The following CEP128 variants were observed in gnomAD, a reference collection of about 807,000 sequenced individuals.
CEP128 encodes the protein centrosomal protein 128.
A neutral mutation model predicts 156.7 loss-of-function variants in CEP128; 132 were observed. The ratio of observed to expected loss-of-function variants is 0.84; its 90% CI spans 0.73 to 0.97. CEP128 has a LOEUF of 0.97. CEP128 is among the 50% of genes least tolerant of loss of function. The pLI, the probability that CEP128 is intolerant of heterozygous loss-of-function variation, is 0.00. For synonymous variants in CEP128, 469 were observed against 448.9 expected (o/e 1.04, Z -0.57); for missense variants, 1,252 against 1,281.9 (o/e 0.98, Z 0.36).
At chr14:80,570,504 A>G (rs1052625507) in intron 20 of CEP128, among the ~76,000 whole-genome samples, 1 of 152,192 alleles carries the variant, frequency 6.6e-6, no homozygotes, top group African/African-American at 2.4e-5. Flanking sequence ...CATAGACTTC[A>G]AAGACATTAA....
At chr14:80,780,040 T>C (rs951239867) in intron 15 of CEP128, among the ~76,000 whole-genome samples, 13 of 152,036 alleles carry the variant, frequency 8.6e-5, no homozygotes, top group Admixed American at 2.0e-4. Context: ...TAGACCAATA[T>C]CCTGAAAATA....
At chr14:80,617,380 G>A (rs1022577884) in intron 19 of CEP128, among the ~76,000 whole-genome samples, 19 of 151,724 alleles carry the variant, frequency 1.3e-4, no homozygotes, top group Non-Finnish European at 2.2e-4. Flanking sequence ...ACAGGCGCAA[G>A]ACGCCACGCC....
chr14:80,928,170 A>G (rs534334279), intron 2 of CEP128, among the ~76,000 whole-genome samples: 1 of 152,368 alleles, frequency 6.6e-6, no homozygotes, highest in Admixed American at 6.5e-5. Context: ...AATAATTAGA[A>G]GAAACAGTCT....
rs1887587122 is a variant in CEP128 at position 80,862,878 on chromosome 14, A to G, written c.646-5T>C. ...CCGCTCCACCCGATCTGAAACCTTA[A>G]TAAGAATTCAGAGAAACAGCAGCAT... On this transcript the variant is annotated splice_polypyrimidine_tract_variant and splice_region_variant and intron_variant, in intron 8 of 24. Transcript: ENST00000555265. 6.2e-7 allele frequency: 1 copy of G among 1,600,492 alleles called. No homozygotes were observed. The highest frequency in any genetic ancestry group is 8.6e-7 in the Non-Finnish European group (1 of 1,167,624).
At chr14:80,882,715 C>T (rs566231961) in intron 8 of CEP128, among the ~76,000 whole-genome samples, 10 of 152,132 alleles carry the variant, frequency 6.6e-5, no homozygotes, top group Non-Finnish European at 1.3e-4. Context: ...TTATACACAA[C>T]GGAGTACTAT....
At chr14:80,749,001 G>C (rs943574895) in intron 18 of CEP128, among the ~76,000 whole-genome samples, 4 of 152,174 alleles carry the variant, frequency 2.6e-5, no homozygotes, top group African/African-American at 9.7e-5. Context: ...GGAGTAGTCA[G>C]ACAATAGTCA....
intron 12 of CEP128, among the ~76,000 whole-genome samples, chr14:80,831,794 AT>A (rs1174036935): frequency 6.6e-6 from 1 of 152,208 alleles, no homozygotes; most frequent in Non-Finnish European, 1.5e-5. Context: ...AACAATATAA[AT>A]TGACTTAGTA....
chr14:80,894,407 T>G (rs1031686228), intron 8 of CEP128, among the ~76,000 whole-genome samples: 7 of 151,992 alleles, frequency 4.6e-5, no homozygotes, highest in Non-Finnish European at 1.5e-5. Context: ...TGTGAACTAC[T>G]GCAATTAACT....
chr14:80,947,787 G>A (rs1045555042), intron 2 of CEP128, among the ~76,000 whole-genome samples: 1 of 152,162 alleles, frequency 6.6e-6, no homozygotes, highest in African/African-American at 2.4e-5. Flanking sequence ...AGACCTGTAG[G>A]CATAGGGAGA....
rs545232440 is a variant in CEP128, at chr14:80,954,972, G to T, written c.-172+3206C>A. Reference sequence around the variant, plus strand: ...GCCTCGCGGAGCCGCGGGCTGCAACGTGAGGCGGCCGCTGCCAGTCGACTC... The same window carrying T: ...GCCTCGCGGAGCCGCGGGCTGCAACTTGAGGCGGCCGCTGCCAGTCGACTC... On this transcript the variant is annotated intron_variant, in intron 2 of 7. Transcript: ENST00000555529. 6.5e-5 allele frequency: 10 copies of T among 153,296 alleles called. No homozygotes were observed. In the South Asian group the frequency reaches 1.4e-3, roughly 22 times the overall value. The allele number at this position is 153,296 out of a possible 1,614,324, so 9.5% of individuals were successfully genotyped here.
chr14:80,781,443 G>A (rs1197683334), intron 15 of CEP128, among the ~76,000 whole-genome samples: 9 of 127,782 alleles, frequency 7.0e-5, no homozygotes, highest in South Asian at 2.5e-4. Context: ...GTGACAGAGC[G>A]AGACTCCGTC....
At chr14:80,843,699 TA>T (rs1173149841) in intron 9 of CEP128, among the ~76,000 whole-genome samples, 1 of 152,102 alleles carries the variant, frequency 6.6e-6, no homozygotes, top group East Asian at 1.9e-4. Context: ...ACACGAGCTA[TA>T]AATTGAAGTT....
intron 9 of CEP128, among the ~76,000 whole-genome samples, chr14:80,855,947 T>C (rs899679950): frequency 7.2e-5 from 11 of 152,226 alleles, no homozygotes; most frequent in Admixed American, 2.6e-4. Flanking sequence ...GCTTTTCTTA[T>C]GTGGTATCTG....
At chr14:80,633,015 C>T (rs1234824776) in intron 19 of CEP128, among the ~76,000 whole-genome samples, 1 of 151,914 alleles carries the variant, frequency 6.6e-6, no homozygotes, top group Non-Finnish European at 1.5e-5. Flanking sequence ...TTGCTTGAGC[C>T]CAGGAGTGCA....
At chr14:80,790,728 A>G (rs1436958049) in intron 14 of CEP128, among the ~76,000 whole-genome samples, 1 of 152,164 alleles carries the variant, frequency 6.6e-6, no homozygotes, top group African/African-American at 2.4e-5. Context: ...GAAATTTTTA[A>G]GAGAAAAAAA....
chr14:80,596,841 A>AAAG (rs1892343385), intron 19 of CEP128, among the ~76,000 whole-genome samples: 2 of 111,024 alleles, frequency 1.8e-5, no homozygotes, highest in South Asian at 3.2e-4. Flanking sequence ...AAAAAAAAAA[A>AAAG]AGGTGGGGGG....
In CEP128 at chr14:80,497,121, T is replaced by C. The variant is rs1887525672; in HGVS notation, c.*358A>G. On this transcript the variant is annotated 3_prime_UTR_variant, in exon 25 of 25. Transcript: ENST00000555265. Reference sequence around the variant, plus strand: ...CTTTTGCCTCAAGGGAAACTCATTTTCCTTCTTTTTAGCCAGTAATTTTTA... The same window carrying C: ...CTTTTGCCTCAAGGGAAACTCATTTCCCTTCTTTTTAGCCAGTAATTTTTA... The C allele has an allele frequency of 5.8e-6, 1 of 170,964 alleles. No homozygotes were observed. The highest frequency in any genetic ancestry group is 2.4e-5 in the African/African-American group (1 of 41,714). 10.6% of individuals were successfully genotyped at this position (170,964 alleles called of 1,614,324 possible).
chr14:80,598,152 G>A lies in CEP128; in HGVS notation c.2807-17729C>T, dbSNP rs537807771. ...GAGATTGGAAGCAAAGAAAAAAAGT[G>A]TCCGTATTTGCAGATAGCATGGTTG... is the stretch of plus-strand genomic sequence containing the variant. On this transcript the variant is annotated intron_variant, in intron 19 of 24. Coordinates refer to ENST00000555265, the MANE Select transcript of CEP128 (RefSeq NM_152446.5). Among the ~76,000 whole-genome samples, 5 of 151,762 alleles carry A rather than the reference G, an allele frequency of 3.3e-5. No homozygotes were observed. In the East Asian group the frequency reaches 9.7e-4, roughly 29 times the overall value.
chr14:80,824,055 G>A (rs1045345894), intron 13 of CEP128, among the ~76,000 whole-genome samples: 12 of 152,176 alleles, frequency 7.9e-5, no homozygotes, highest in South Asian at 2.1e-4. Flanking sequence ...CTGTGCACCC[G>A]TACACTCAAA....
Sources: gnomAD v4.1 joint callset for allele counts (sites outside exome capture counted in the v4.1 genomes callset) on GRCh38, gnomAD v4.1.1 for gene constraint, MANE v1.5 for transcripts, NCBI Gene and HGNC (gene_info 2026-07-23, HGNC 2026-07-21) for gene names.